TRIM69: variants seen among roughly 807,000 people sequenced by gnomAD.
TRIM69 encodes E3 ubiquitin-protein ligase TRIM69.
TRIM69 carries 29 observed loss-of-function variants against 37.7 expected under a neutral mutation model. The ratio of observed to expected loss-of-function variants is 0.77; its 90% confidence interval spans 0.57 to 1.05. The LOEUF (loss-of-function observed/expected upper bound fraction) is 1.05. TRIM69 is among the 50% of genes least tolerant of loss of function. The pLI, the probability that TRIM69 is intolerant of heterozygous loss-of-function variation, is 0.00. For missense variants in TRIM69, 596 were observed against 579.9 expected (o/e 1.03, Z -0.28); for synonymous variants, 209 against 212.4 (o/e 0.98, Z 0.14).
In TRIM69 at chr15:44,736,819, G is replaced by T. The variant is rs1028972861; in HGVS notation, c.6+109G>T. 1.1e-5 allele frequency: 15 copies of T among 1,334,468 alleles called. No individual in the cohort carries two copies. In the African/African-American group the frequency reaches 2.1e-4, roughly 18 times the overall value. 82.7% of individuals were successfully genotyped at this position (1,334,468 alleles called of 1,614,324 possible). A position where few individuals can be genotyped will look rare whatever the true frequency, so the allele number is the denominator to read the frequency against. On this transcript the variant is annotated intron_variant, in intron 1 of 6. Transcript: ENST00000329464. ...AGGAGCACAAAAGGAAATTCATGAAGGGAAGTATTTAACTTGTGACAGCTG... is the reference window on the plus strand; with the variant it reads ...AGGAGCACAAAAGGAAATTCATGAATGGAAGTATTTAACTTGTGACAGCTG...
intron 1 of TRIM69, among the ~76,000 whole-genome samples, chr15:44,740,362 C>A (rs1018221296): frequency 3.3e-5 from 5 of 152,214 alleles, no homozygotes; most frequent in Non-Finnish European, 5.9e-5. Context: ...TCACCAGCAA[C>A]AAAACAAAGC....
At chr15:44,740,903 T>G (rs908632973) in intron 1 of TRIM69, among the ~76,000 whole-genome samples, 16 of 152,178 alleles carry the variant, frequency 1.1e-4, no homozygotes, top group Admixed American at 2.6e-4. Context: ...ATTAGGCAGA[T>G]CAACGAGACA....
intron 1 of TRIM69, among the ~76,000 whole-genome samples, chr15:44,737,741 T>C (rs1185116875): frequency 6.6e-6 from 1 of 152,248 alleles, no homozygotes; most frequent in East Asian, 1.9e-4. Flanking sequence ...GGCTGTGCTA[T>C]ATAGTTTGTC....
intron 1 of TRIM69, among the ~76,000 whole-genome samples, chr15:44,747,929 A>C (rs534776550): frequency 2.2e-4 from 34 of 152,334 alleles, no homozygotes; most frequent in African/African-American, 8.2e-4. Flanking sequence ...GGTAAATGTA[A>C]ACTTCTAACG....
chr15:44,737,323 A>G (rs1349893421), intron 1 of TRIM69, among the ~76,000 whole-genome samples: 1 of 152,168 alleles, frequency 6.6e-6, no homozygotes, highest in East Asian at 1.9e-4. Context: ...CATTATATTA[A>G]TCATTAAGAT....
In TRIM69 at chr15:44,755,315, G is replaced by C; in HGVS notation, c.422G>C (p.Arg141Pro). The C allele has an allele frequency of 1.2e-6, 2 of 1,614,052 alleles. No individual in the cohort carries two copies. Among genetic ancestry groups the C allele is most frequent in the South Asian group, 1.1e-5 (1 of 91,066 alleles). The stretch of plus-strand genomic sequence containing the variant: ...ATCTGCTTTCAATGCAAGGATGCTC[G>C]GTTGTCTGTGGGGCAGTCTAAGGAG... Reference protein sequence around the residue: ...KLICFQCKDARLSVGQSKEFL... With the variant: ...KLICFQCKDAPLSVGQSKEFL... Residue 141 changes from arginine (R) to proline (P), a missense_variant, in exon 2 of 7, where the codon CGG (arginine) becomes CCG (proline). By Grantham distance (103) the Arg-to-Pro change is moderately radical. Coordinates refer to ENST00000329464, the MANE Select transcript of TRIM69 (RefSeq NM_182985.5).
At position 44,767,333 on chromosome 15, in the gene TRIM69, C is replaced by A. The variant is rs2087918896; in HGVS notation, c.1064C>A (p.Pro355His). 3 of 1,613,956 alleles carry A rather than the reference C, an allele frequency of 1.9e-6. No individual in the cohort carries two copies. Among genetic ancestry groups the A allele is most frequent in the African/African-American group, 1.3e-5 (1 of 74,878 alleles). The change falls in exon 7 of 7, where the codon CCT (proline) becomes CAT (histidine). Residue 355 changes from proline to histidine, a missense_variant. Pro to His is a moderately conservative substitution (Grantham distance 77, BLOSUM62 -2). Coordinates refer to ENST00000329464, the MANE Select transcript of TRIM69 (RefSeq NM_182985.5). ...CATGGTGACATTAAGAAGATAATGC[C>A]TGATGATCCTGAGAGGTTTGACTCA... ...VWHGDIKKIM[P>H]DDPERFDSSV... is the part of the protein sequence containing the mutation.
At chr15:44,762,572 C>T (rs2087800046) in intron 6 of TRIM69, among the ~76,000 whole-genome samples, 3 of 152,014 alleles carry the variant, frequency 2.0e-5, no homozygotes, top group Non-Finnish European at 4.4e-5. Flanking sequence ...TTTCACCTCA[C>T]ACTTTATTTT....
chr15:44,765,513 AG>A (rs1322505022), intron 6 of TRIM69, among the ~76,000 whole-genome samples: 1 of 152,192 alleles, frequency 6.6e-6, no homozygotes, highest in Non-Finnish European at 1.5e-5. Flanking sequence ...GAAAAGACTC[AG>A]GCTTTTCTGA....
chr15:44,765,713 C>T (rs1596039164), intron 6 of TRIM69, among the ~76,000 whole-genome samples: 1 of 151,856 alleles, frequency 6.6e-6, no homozygotes, highest in Non-Finnish European at 1.5e-5. Flanking sequence ...GAGGTTGTGC[C>T]ACTGCACTCC....
intron 1 of TRIM69, among the ~76,000 whole-genome samples, chr15:44,743,034 T>A (rs2087325545): frequency 6.6e-6 from 1 of 151,972 alleles, no homozygotes; most frequent in African/African-American, 2.4e-5. Context: ...AGAACAAAGC[T>A]AGAGGCATCA....
intron 3 of TRIM69, chr15:44,757,589 A>T (rs2087678014): frequency 1.3e-5 from 2 of 152,348 alleles, no homozygotes; most frequent in East Asian, 3.9e-4. Flanking sequence ...AAGCTGGAAC[A>T]TGCTAAGCAA....
At chr15:44,746,404 G>C (rs987428881) in intron 1 of TRIM69, among the ~76,000 whole-genome samples, 1 of 152,030 alleles carries the variant, frequency 6.6e-6, no homozygotes, top group Non-Finnish European at 1.5e-5. Context: ...CTTGAACCCA[G>C]ACAAAGACAT....
At chr15:44,753,922 G>T (rs1224142214) in intron 1 of TRIM69, 3 of 152,010 alleles carry the variant, frequency 2.0e-5, no homozygotes, top group African/African-American at 7.3e-5. Context: ...CACCATGTTG[G>T]CCAGGCTGGT....
Position 44,736,617 on chromosome 15 carries a change from G to A in TRIM69, c.-88G>A, listed in dbSNP as rs905509820. ...TGAGCCCATTCCTTGAAAACTAAAA[G>A]GTCCCTGACTCCCAGTCTGCAGCCA... On this transcript the variant is annotated 5_prime_UTR_variant, in exon 1 of 7. Coordinates refer to ENST00000329464, the MANE Select transcript of TRIM69 (RefSeq NM_182985.5). 2.6e-6 allele frequency: 4 copies of A among 1,522,454 alleles called. No homozygotes were observed. In the South Asian group the frequency reaches 4.8e-5, roughly 18 times the overall value. 94.3% of individuals were successfully genotyped at this position (1,522,454 alleles called of 1,614,324 possible).
At chr15:44,737,449 A>T (rs11630375) in intron 1 of TRIM69, among the ~76,000 whole-genome samples, 3,222 of 152,340 alleles carry the variant, frequency 0.021, 53 homozygotes, top group Middle Eastern at 0.065. Flanking sequence ...TAGGGCAAAA[A>T]TAAACACTAT....
Position 44,767,616 on chromosome 15 carries a change from T to C in TRIM69, c.1347T>C (p.Tyr449=), listed in dbSNP as rs115326573. 1,538 of 1,614,224 alleles carry C rather than the reference T, an allele frequency of 9.5e-4. 19 individuals are homozygous for C. In the African/African-American group the frequency reaches 0.019, roughly 20 times the overall value. ...NLDKVGIYLD[Y]EGGQLSFYNA... ...ACAAGGTGGGCATATACCTGGATTATGAAGGAGGACAGTTGTCCTTCTACA... is the reference window on the plus strand; with the variant it reads ...ACAAGGTGGGCATATACCTGGATTACGAAGGAGGACAGTTGTCCTTCTACA... The change falls in exon 7 of 7, where the codon TAT becomes TAC. Residue 449 remains tyrosine (Y), a synonymous_variant. Coordinates refer to ENST00000329464, the MANE Select transcript of TRIM69 (RefSeq NM_182985.5).
chr15:44,738,087 C>T (rs1484744377), intron 1 of TRIM69, among the ~76,000 whole-genome samples: 1 of 134,790 alleles, frequency 7.4e-6, no homozygotes, highest in Non-Finnish European at 1.5e-5. Context: ...AGGACAGAGT[C>T]TCACTCTCTT....
At chr15:44,747,236 G>A (rs2087427298) in intron 1 of TRIM69, among the ~76,000 whole-genome samples, 1 of 152,190 alleles carries the variant, frequency 6.6e-6, no homozygotes, top group South Asian at 2.1e-4. Context: ...TTTTCAGAAA[G>A]CAGTCTGTTG....
Sources: gnomAD v4.1 joint callset for allele counts (sites outside exome capture counted in the v4.1 genomes callset) on GRCh38, gnomAD v4.1.1 for gene constraint, MANE v1.5 for transcripts, NCBI Gene and HGNC (gene_info 2026-07-23, HGNC 2026-07-21) for gene names.